TEKT3: variants seen among roughly 807,000 people sequenced by gnomAD.
TEKT3 encodes tektin 3, also known as tektin-3.
In TEKT3, 49 loss-of-function variants were observed where a neutral mutation model predicts 49.8. The observed-to-expected ratio is 0.98, with a 90% CI of 0.78 to 1.25. The LOEUF (loss-of-function observed/expected upper bound fraction) is 1.25. Ranked by LOEUF, TEKT3 falls within the 50% of genes most tolerant of loss-of-function variation. TEKT3 has a pLI of 0.00. For missense variants in TEKT3, 595 were observed against 629.5 expected (o/e 0.95, Z 0.59); for synonymous variants, 225 against 237.2 (o/e 0.95, Z 0.47).
chr17:15,309,952 T>G (rs571376186), intron 7 of TEKT3, among the ~76,000 whole-genome samples: 1 of 152,208 alleles, frequency 6.6e-6, no homozygotes, highest in East Asian at 1.9e-4. Flanking sequence ...GGGTGATGTC[T>G]CTGCAATATC....
Position 15,308,739 on chromosome 17 carries a change from T to A in TEKT3, c.1181A>T (p.Lys394Met). Reference protein sequence around the residue: ...KAIKDKTAFLKVAQTRLDERT... With the variant: ...KAIKDKTAFLMVAQTRLDERT... Reference sequence around the variant, plus strand: ...CTCATCCAGTCTGGTCTGAGCCACCTTCAGGAAGGCAGTCTTGTCCTTGAT... The same window carrying A: ...CTCATCCAGTCTGGTCTGAGCCACCATCAGGAAGGCAGTCTTGTCCTTGAT... Residue 394 changes from lysine to methionine, a missense_variant, in exon 8 of 9, where the codon AAG becomes ATG. Physicochemically the swap from Lys to Met is moderately conservative, Grantham distance 95 (BLOSUM62 -1). Coordinates refer to ENST00000395930, the MANE Select transcript of TEKT3 (RefSeq NM_031898.3). The A allele has an allele frequency of 6.2e-7, 1 of 1,614,024 alleles. No homozygotes were observed. The highest frequency in any genetic ancestry group is 8.5e-7 in the Non-Finnish European group (1 of 1,180,024).
Position 15,328,081 on chromosome 17 carries a change from G to A in TEKT3, c.580-6C>T, listed in dbSNP as rs778937531. ...AATAGACATTCTCGGGCTACCTACA[G>A]ATACACAGATAATGGAAAGCACTAA... On this transcript the variant is annotated splice_region_variant and splice_polypyrimidine_tract_variant and intron_variant, in intron 3 of 8. Transcript: ENST00000395930. 1 of 1,610,962 alleles carries A rather than the reference G, an allele frequency of 6.2e-7. No individual in the cohort carries two copies. The highest frequency in any genetic ancestry group is 8.5e-7 in the Non-Finnish European group (1 of 1,177,324).
At position 15,319,150 on chromosome 17, in the gene TEKT3, A is replaced by C; in HGVS notation, c.664-3T>G. ...CAACACAGAATAGTATCAACTTCCT[A>C]CTCAATTGGAAAAAAAACATATTAA... On this transcript the variant is annotated splice_polypyrimidine_tract_variant and splice_region_variant and intron_variant, in intron 4 of 8. Transcript: ENST00000395930. The C allele has an allele frequency of 1.9e-6, 3 of 1,599,636 alleles. No homozygotes were observed. The South Asian group carries it at 3.4e-5, about 18-fold the overall frequency.
intron 4 of TEKT3, 113 bp downstream of exon 4, chr17:15,327,879 C>A: frequency 1.2e-6 from 1 of 859,406 alleles, no homozygotes. Context: ...GCATCTGATA[C>A]GATAATGCTT....
chr17:15,316,867 G>T (rs1331637288), intron 5 of TEKT3, among the ~76,000 whole-genome samples: 2 of 152,134 alleles, frequency 1.3e-5, no homozygotes, highest in African/African-American at 2.4e-5. Flanking sequence ...GGGCTGCCTG[G>T]ACACCCTCTG....
Position 15,312,451 on chromosome 17 carries a change from A to G in TEKT3, c.909T>C (p.Phe303=), listed in dbSNP as rs1223295765. The change falls in exon 7 of 9, where the codon TTT becomes TTC. Residue 303 remains phenylalanine, a synonymous_variant. Transcript: ENST00000395930. ...GGGAGCGGAGAATATTGTCATCTGT[A>G]AATTTGGCCCAGGACTCAGGCACTG... is the stretch of plus-strand genomic sequence containing the variant. ...TVSVPESWAK[F]TDDNILRSQS... 1 of 1,614,040 alleles carries G rather than the reference A, an allele frequency of 6.2e-7. No homozygotes were observed. The highest frequency in any genetic ancestry group is 8.5e-7 in the Non-Finnish European group (1 of 1,180,048).
chr17:15,312,211 A>G (rs1910798312), intron 7 of TEKT3, 48 bp downstream of exon 7: 1 of 1,565,388 alleles, frequency 6.4e-7, no homozygotes, highest in Non-Finnish European at 8.8e-7. Flanking sequence ...CCCAGAGCAC[A>G]CCGCTCTGTC....
chr17:15,326,951 G>A (rs1013345938), intron 4 of TEKT3, among the ~76,000 whole-genome samples: 1 of 152,096 alleles, frequency 6.6e-6, no homozygotes, highest in African/African-American at 2.4e-5. Flanking sequence ...GTTTCTGGAT[G>A]GCAATTTGGC....
chr17:15,312,174 C>T (rs1190542194), intron 7 of TEKT3, 85 bp downstream of exon 7: 7 of 1,344,942 alleles, frequency 5.2e-6, no homozygotes, highest in East Asian at 2.3e-5. Flanking sequence ...TATGGTGCCT[C>T]TCTGGGAGTG....
chr17:15,316,762 G>A (rs577676358), intron 5 of TEKT3, among the ~76,000 whole-genome samples: 100 of 152,268 alleles, frequency 6.6e-4, no homozygotes, highest in Non-Finnish European at 1.3e-3. Context: ...CAGGCTGTCC[G>A]GAAGATAATT....
rs750721630 is a variant in TEKT3, at chr17:15,306,087, A to ATGTG, written c.1257-1936_1257-1935insCACA. On this transcript the variant is annotated intron_variant, in intron 8 of 8. Coordinates refer to ENST00000395930, the MANE Select transcript of TEKT3 (RefSeq NM_031898.3). ...TAAAGCTACCACAGTTTATTTATAT[A>ATGTG]TATGTGTGTGTGTGTGTGTGTGTGT... is the stretch of plus-strand genomic sequence containing the variant. Among the ~76,000 whole-genome samples the ATGTG allele has an allele frequency of 7.7e-3, 991 of 128,504 alleles. 4 individuals carry two copies. Among genetic ancestry groups the ATGTG allele is most frequent in the Non-Finnish European group, 0.011 (696 of 61,346 alleles). The allele number at this position is 128,504 out of a possible 152,430, so 84.3% of individuals were successfully genotyped here.
intron 5 of TEKT3, among the ~76,000 whole-genome samples, chr17:15,315,744 T>C (rs765686019): frequency 2.6e-5 from 4 of 152,004 alleles, no homozygotes; most frequent in Non-Finnish European, 4.4e-5. Context: ...ATGGGAGACA[T>C]GAAGGAGGTT....
chr17:15,306,157 A>G (rs1053565237), intron 8 of TEKT3, among the ~76,000 whole-genome samples: 4 of 148,988 alleles, frequency 2.7e-5, no homozygotes, highest in Non-Finnish European at 5.9e-5. Context: ...AGATTATTTA[A>G]GTAGAGCAGA....
intron 2 of TEKT3, among the ~76,000 whole-genome samples, chr17:15,333,350 T>C (rs1036083577): frequency 2.0e-5 from 3 of 152,208 alleles, no homozygotes; most frequent in Non-Finnish European, 4.4e-5. Context: ...AAATAATCTA[T>C]CTGTAGAATT....
At chr17:15,334,482 T>C (rs1412063923) in intron 2 of TEKT3, among the ~76,000 whole-genome samples, 2 of 152,228 alleles carry the variant, frequency 1.3e-5, no homozygotes, top group Non-Finnish European at 2.9e-5. Context: ...TTGAGACGTC[T>C]CAACCCATGT....
chr17:15,308,938 T>A, intron 7 of TEKT3, 120 bp from the exon 8 acceptor site: 2 of 1,249,206 alleles, frequency 1.6e-6, no homozygotes, highest in South Asian at 2.8e-5. Context: ...GATGAGGAAG[T>A]TGCTTCACCA....
chr17:15,310,083 C>G (rs566581997), intron 7 of TEKT3, among the ~76,000 whole-genome samples: 1 of 152,340 alleles, frequency 6.6e-6, no homozygotes, highest in African/African-American at 2.4e-5. Context: ...TTCACTGTTT[C>G]TATCACTAAG....
chr17:15,307,196 G>A (rs1010582514), intron 8 of TEKT3, among the ~76,000 whole-genome samples: 2 of 152,246 alleles, frequency 1.3e-5, no homozygotes, highest in Admixed American at 6.5e-5. Flanking sequence ...CTGTGTGAGA[G>A]GGAGATGAGC....
At chr17:15,338,877 T>C (rs1234041427) in intron 2 of TEKT3, among the ~76,000 whole-genome samples, 1 of 152,050 alleles carries the variant, frequency 6.6e-6, no homozygotes, top group African/African-American at 2.4e-5. Flanking sequence ...GCTATAAATA[T>C]CTCATACTTG....
Sources: gnomAD v4.1 joint callset for allele counts (sites outside exome capture counted in the v4.1 genomes callset) on GRCh38, gnomAD v4.1.1 for gene constraint, MANE v1.5 for transcripts, NCBI Gene and HGNC (gene_info 2026-07-23, HGNC 2026-07-21) for gene names.